MAP3K2: variants seen among roughly 807,000 people sequenced by gnomAD.
The protein encoded by MAP3K2 is mitogen-activated protein kinase kinase kinase 2, also known as MAP/ERK kinase kinase 2.
MAP3K2 carries 24 observed loss-of-function variants against 80.3 expected under a neutral mutation model. That is an observed-to-expected ratio of 0.30 (90% CI 0.22 to 0.42). The LOEUF is 0.42. MAP3K2 is among the 10% of genes least tolerant of loss of function. The pLI, the probability that MAP3K2 is intolerant of heterozygous loss-of-function variation, is 1.00. For missense variants in MAP3K2, 608 were observed against 750.1 expected, an observed-to-expected ratio of 0.81 and a Z score of 2.21; for synonymous variants, 244 against 253.7, an observed-to-expected ratio of 0.96 and a Z score of 0.36.
At chr2:127,320,288 A>C (rs545236957) in intron 12 of MAP3K2, among the ~76,000 whole-genome samples, 2 of 152,360 alleles carry the variant, frequency 1.3e-5, no homozygotes, top group Non-Finnish European at 2.9e-5. Flanking sequence ...AGAGCGATGG[A>C]AACTACAGGA....
chr2:127,318,048 C>A (rs1444799791), intron 13 of MAP3K2, 121 bp downstream of exon 13: 1 of 578,324 alleles, frequency 1.7e-6, no homozygotes, highest in Non-Finnish European at 2.6e-6. Flanking sequence ...AAGAAAACTG[C>A]TTTTTTTTTT....
rs536311170 is a variant in MAP3K2, at chr2:127,364,810, T to G, written c.-65-21616A>C. 6.6e-6 allele frequency among the ~76,000 whole-genome samples: 1 copy of G among 152,094 alleles called. No homozygotes were observed. The highest frequency in any genetic ancestry group is 1.9e-4 in the East Asian group (1 of 5,188). On this transcript the variant is annotated intron_variant, in intron 1 of 16. Coordinates refer to ENST00000682094, the MANE Select transcript of MAP3K2 (RefSeq NM_001371910.2). The surrounding 1 kb of genome is among the most constrained non-coding windows in gnomAD (Gnocchi z 4.1). ...CCTCCTATTTCTCAATCTCTTCTCA[T>G]TACTACTGCAATGACTACTAATAAA...
rs370059106 is a variant in MAP3K2, at chr2:127,305,489, T to C, written c.*2090A>G. On this transcript the variant is annotated 3_prime_UTR_variant, in exon 17 of 17. Coordinates refer to ENST00000682094, the MANE Select transcript of MAP3K2 (RefSeq NM_001371910.2). Reference sequence around the variant, plus strand: ...TAGCTAGTGGAATTTCAAATATTCCTACAGGGAATGCTAGGTAGGACCTTG... The same window carrying C: ...TAGCTAGTGGAATTTCAAATATTCCCACAGGGAATGCTAGGTAGGACCTTG... 6.6e-6 allele frequency: 1 copy of C among 152,142 alleles called. No homozygotes were observed. Among genetic ancestry groups the C allele is most frequent in the African/African-American group, 2.4e-5 (1 of 41,442 alleles). 9.4% of individuals were successfully genotyped at this position (152,142 alleles called of 1,614,324 possible).
chr2:127,319,612 C>G (rs1250099959), intron 12 of MAP3K2, among the ~76,000 whole-genome samples: 1 of 135,616 alleles, frequency 7.4e-6, no homozygotes, highest in Non-Finnish European at 1.5e-5. Context: ...CAAGACCAGC[C>G]TGGCCAATGT....
In MAP3K2 at chr2:127,304,641, G is replaced by A. The variant is rs1477329900; in HGVS notation, c.*2938C>T. 1 of 152,060 alleles carries A rather than the reference G, an allele frequency of 6.6e-6. No individual in the cohort carries two copies. Among genetic ancestry groups the A allele is most frequent in the Non-Finnish European group, 1.5e-5 (1 of 67,780 alleles). 9.4% of individuals were successfully genotyped at this position (152,060 alleles called of 1,614,324 possible). On this transcript the variant is annotated 3_prime_UTR_variant, in exon 17 of 17. Coordinates refer to ENST00000682094, the MANE Select transcript of MAP3K2 (RefSeq NM_001371910.2). ...ATTTAAGAAACAAAACACATTTAGA[G>A]TTATCTTAAAAAGTTCAAATTGCAT... is the stretch of plus-strand genomic sequence containing the variant.
Position 127,307,803 on chromosome 2 carries a change from T to C in MAP3K2, c.1636A>G (p.Ser546Gly), listed in dbSNP as rs1685731094. ...ATTTCTACCACAGTACATGCAACACTCCTGAAAAGAAACAAAAAGAAATAC... is the reference window on the plus strand; with the variant it reads ...ATTTCTACCACAGTACATGCAACACCCCTGAAAAGAAACAAAAAGAAATAC... Reference protein sequence around the residue: ...EGYGRKADIWSVACTVVEMLT... With the variant: ...EGYGRKADIWGVACTVVEMLT... Residue 546 changes from serine to glycine, a missense_variant and splice_region_variant, in exon 17 of 17, where the codon AGT becomes GGT. By Grantham distance (56) the Ser-to-Gly change is moderately conservative (BLOSUM62 0). This residue lies in a region of MAP3K2 where 11 missense variants were observed against 42.2 expected (regional missense o/e 0.26). Transcript: ENST00000682094. This position sits in a 1 kb window ranked among gnomAD's most constrained non-coding sequence, Gnocchi z 5.4. 1 of 1,575,410 alleles carries C rather than the reference T, an allele frequency of 6.3e-7. No homozygotes were observed. Among genetic ancestry groups the C allele is most frequent in the African/African-American group, 1.3e-5 (1 of 74,122 alleles).
intron 3 of MAP3K2, among the ~76,000 whole-genome samples, chr2:127,338,548 T>A (rs1686417740): frequency 6.6e-6 from 1 of 152,164 alleles, no homozygotes; most frequent in African/African-American, 2.4e-5. Context: ...TGTGTTCTCA[T>A]TATTTACCCT....
chr2:127,345,564 G>A (rs1190981700), intron 1 of MAP3K2, among the ~76,000 whole-genome samples: 2 of 152,096 alleles, frequency 1.3e-5, no homozygotes, highest in Non-Finnish European at 2.9e-5. Flanking sequence ...CCTCAAAACA[G>A]CAGAATATAC....
chr2:127,326,151 A>C lies in MAP3K2; in HGVS notation c.598-344T>G, dbSNP rs1391881187. Among the ~76,000 whole-genome samples the C allele has an allele frequency of 2.6e-5, 4 of 152,200 alleles. No individual in the cohort carries two copies. In the East Asian group the frequency reaches 7.7e-4, roughly 29 times the overall value. On this transcript the variant is annotated intron_variant, in intron 8 of 16. Coordinates refer to ENST00000682094, the MANE Select transcript of MAP3K2 (RefSeq NM_001371910.2). ...TATTTCACACTATTTTGCTTACTGA[A>C]AACTGAACAATGGCCCCACCCAAAC...
At chr2:127,366,256 C>CT (rs932786366) in intron 1 of MAP3K2, among the ~76,000 whole-genome samples, 1 of 151,956 alleles carries the variant, frequency 6.6e-6, no homozygotes, top group African/African-American at 2.4e-5. Context: ...GCTAAAAACA[C>CT]TCCAGGGTTA....
At chr2:127,320,663 G>A (rs965404414) in intron 12 of MAP3K2, among the ~76,000 whole-genome samples, 8 of 152,114 alleles carry the variant, frequency 5.3e-5, no homozygotes, top group East Asian at 1.9e-4. Flanking sequence ...ACCTAGACAC[G>A]TCATATTCAC....
chr2:127,343,833 C>T (rs1686544391), intron 1 of MAP3K2, among the ~76,000 whole-genome samples: 2 of 152,148 alleles, frequency 1.3e-5, no homozygotes, highest in South Asian at 2.1e-4. Flanking sequence ...GCCTGTCCAA[C>T]ACGGTGAAAC....
chr2:127,370,839 C>T (rs968719418), intron 1 of MAP3K2, among the ~76,000 whole-genome samples: 2 of 152,186 alleles, frequency 1.3e-5, no homozygotes, highest in African/African-American at 4.8e-5. Context: ...ATCTACCTTA[C>T]TGCCTCCTTA....
In MAP3K2 at chr2:127,304,021, A is replaced by G. The variant is rs956307453; in HGVS notation, c.*3558T>C. 6.6e-6 allele frequency: 1 copy of G among 152,190 alleles called. No individual in the cohort carries two copies. Among genetic ancestry groups the G allele is most frequent in the Non-Finnish European group, 1.5e-5 (1 of 68,026 alleles). 9.4% of individuals were successfully genotyped at this position (152,190 alleles called of 1,614,324 possible). On this transcript the variant is annotated 3_prime_UTR_variant, in exon 17 of 17. Coordinates refer to ENST00000682094, the MANE Select transcript of MAP3K2 (RefSeq NM_001371910.2). The stretch of plus-strand genomic sequence containing the variant: ...AGAAATAGTTTCATCTTTTTAATGC[A>G]GTTTCTTTGGGAATAAGGTAAAGAC...
chr2:127,353,207 A>C (rs903720499), intron 1 of MAP3K2, among the ~76,000 whole-genome samples: 1 of 146,088 alleles, frequency 6.8e-6, no homozygotes, highest in Non-Finnish European at 1.5e-5. Context: ...CCAGTCTGGA[A>C]AGTGAGGAGC....
At chr2:127,336,987 C>T (rs1029547287) in intron 4 of MAP3K2, among the ~76,000 whole-genome samples, 8 of 152,026 alleles carry the variant, frequency 5.3e-5, no homozygotes, top group Non-Finnish European at 8.8e-5. Context: ...CTAAAAAATA[C>T]GAAAATTAGC....
At chr2:127,346,180 TAAGAG>T (rs1284852716) in intron 1 of MAP3K2, among the ~76,000 whole-genome samples, 1 of 151,424 alleles carries the variant, frequency 6.6e-6, no homozygotes, top group East Asian at 1.9e-4. Context: ...ATAAAAAGGA[TAAGAG>T]AATACTGTTA....
At chr2:127,344,406 TG>T (rs990484000) in intron 1 of MAP3K2, among the ~76,000 whole-genome samples, 1 of 149,624 alleles carries the variant, frequency 6.7e-6, no homozygotes, top group Non-Finnish European at 1.5e-5. Flanking sequence ...ACTAGCAATT[TG>T]GGGGGGCCAA....
intron 5 of MAP3K2, among the ~76,000 whole-genome samples, chr2:127,333,111 G>A (rs1686291298): frequency 6.8e-6 from 1 of 146,530 alleles, no homozygotes; most frequent in Non-Finnish European, 1.5e-5. Flanking sequence ...CAGCCTGGGT[G>A]ACAGCGGGAG....
Sources: gnomAD v4.1 joint callset for allele counts (sites outside exome capture counted in the v4.1 genomes callset) on GRCh38, gnomAD v4.1.1 for gene constraint, gnomAD v4.1.1 regional missense constraint, Gnocchi (gnomAD v3.1) non-coding constraint, MANE v1.5 for transcripts, NCBI Gene and HGNC (gene_info 2026-07-23, HGNC 2026-07-21) for gene names.